SCOC: variants seen among roughly 807,000 people sequenced by gnomAD.
SCOC encodes the protein short coiled-coil protein.
SCOC carries 7 observed loss-of-function variants against 9.9 expected under a neutral mutation model. The ratio of observed to expected loss-of-function variants is 0.71; its 90% CI spans 0.40 to 1.33. The LOEUF (loss-of-function observed/expected upper bound fraction) is 1.33, where lower values mean the gene tolerates loss of function less well. Among genes scored for constraint, SCOC ranks in the 40% most tolerant of loss-of-function variants. The pLI, the probability that SCOC is intolerant of heterozygous loss-of-function variation, is 0.01. For missense variants in SCOC, 66 were observed against 89.7 expected, an observed-to-expected ratio of 0.74 and a Z score of 1.07; for synonymous variants, 19 against 28.2, an observed-to-expected ratio of 0.67 and a Z score of 1.03.
At chr4:140,288,575 AC>A (rs1278878339) in intron 1 of SCOC, among the ~76,000 whole-genome samples, 1 of 151,982 alleles carries the variant, frequency 6.6e-6, no homozygotes, top group East Asian at 1.9e-4. Flanking sequence ...CACATGTACC[AC>A]CCATACCACT....
chr4:140,310,489 G>A (rs1208134840), intron 1 of SCOC, among the ~76,000 whole-genome samples: 3 of 152,148 alleles, frequency 2.0e-5, no homozygotes, highest in Non-Finnish European at 4.4e-5. Context: ...AGGAACTTTC[G>A]CTCTATGTGC....
rs542818922 is a variant in SCOC, at chr4:140,384,667, A to T, written c.*3563A>T. The stretch of plus-strand genomic sequence containing the variant: ...GATGGTCTTAACATATACAGTCCTG[A>T]GTAAAGTCTTCTTTACTGCTTTAAC... On this transcript the variant is annotated 3_prime_UTR_variant, in exon 4 of 4. Coordinates refer to ENST00000608372, the MANE Select transcript of SCOC (RefSeq NM_001153484.2). 2 of 152,334 alleles carry T rather than the reference A, an allele frequency of 1.3e-5. No homozygotes were observed. The highest frequency in any genetic ancestry group is 4.1e-4 in the South Asian group (2 of 4,830). The allele number at this position is 152,334 out of a possible 1,614,324, so 9.4% of individuals were successfully genotyped here.
intron 1 of SCOC, among the ~76,000 whole-genome samples, chr4:140,265,292 A>C (rs1334279889): frequency 6.6e-6 from 1 of 152,188 alleles, no homozygotes; most frequent in Non-Finnish European, 1.5e-5. Flanking sequence ...AACCCAAAGA[A>C]AGGGTATTTC....
intron 1 of SCOC, among the ~76,000 whole-genome samples, chr4:140,375,921 T>G (rs1407166161): frequency 6.6e-6 from 1 of 152,166 alleles, no homozygotes; most frequent in African/African-American, 2.4e-5. Context: ...CCAAATTCAT[T>G]TCAGTGTTCC....
intron 1 of SCOC, among the ~76,000 whole-genome samples, chr4:140,377,026 A>AT (rs1297347359): frequency 6.6e-6 from 1 of 152,206 alleles, no homozygotes; most frequent in Non-Finnish European, 1.5e-5. Context: ...CTTTTAATTT[A>AT]TTATTTAGCA....
chr4:140,340,410 T>C (rs1198904109), upstream of SCOC, among the ~76,000 whole-genome samples: 1 of 151,816 alleles, frequency 6.6e-6, no homozygotes, highest in East Asian at 1.9e-4. Flanking sequence ...ATGTTGTATA[T>C]ATATGTAACA....
At chr4:140,285,801 A>G (rs1272053902) in intron 1 of SCOC, among the ~76,000 whole-genome samples, 1 of 152,182 alleles carries the variant, frequency 6.6e-6, no homozygotes, top group Non-Finnish European at 1.5e-5. Flanking sequence ...GGTTGGAAAC[A>G]GACCTGGTTT....
At chr4:140,374,523 C>T (rs1399771570) in intron 1 of SCOC, among the ~76,000 whole-genome samples, 1 of 152,158 alleles carries the variant, frequency 6.6e-6, no homozygotes, top group Admixed American at 6.5e-5. Flanking sequence ...TTTGGCCAAA[C>T]AGTTCCTTGA....
chr4:140,311,828 T>G (rs1732165007), intron 1 of SCOC, among the ~76,000 whole-genome samples: 1 of 152,214 alleles, frequency 6.6e-6, no homozygotes, highest in African/African-American at 2.4e-5. Context: ...TAAAGATCTT[T>G]GAACAATGCC....
chr4:140,297,385 G>A (rs1731677066), intron 1 of SCOC, among the ~76,000 whole-genome samples: 1 of 152,036 alleles, frequency 6.6e-6, no homozygotes, highest in Non-Finnish European at 1.5e-5. Context: ...GGAGAAGCAG[G>A]TAGTTTTTCA....
At chr4:140,375,985 T>G (rs1385883038) in intron 1 of SCOC, among the ~76,000 whole-genome samples, 1 of 152,178 alleles carries the variant, frequency 6.6e-6, no homozygotes, top group Non-Finnish European at 1.5e-5. Flanking sequence ...GATTTGCGTT[T>G]ATATATAGGA....
At chr4:140,344,209 T>C (rs1726619430) in intron 2 of SCOC, among the ~76,000 whole-genome samples, 1 of 152,166 alleles carries the variant, frequency 6.6e-6, no homozygotes, top group East Asian at 1.9e-4. Context: ...AAAATGCTGA[T>C]GGAAAGGATA....
At chr4:140,376,525 T>C (rs1728350986) in intron 1 of SCOC, 1 of 152,234 alleles carries the variant, frequency 6.6e-6, no homozygotes, top group South Asian at 2.1e-4. Context: ...AATTGTGCTC[T>C]CTCGCGTTGT....
At chr4:140,310,422 T>G (rs1301850367) in intron 1 of SCOC, among the ~76,000 whole-genome samples, 1 of 152,234 alleles carries the variant, frequency 6.6e-6, no homozygotes, top group Admixed American at 6.5e-5. Flanking sequence ...TGGTATATCC[T>G]TTTTTACAAG....
At chr4:140,375,367 A>G (rs1180321306) in intron 1 of SCOC, among the ~76,000 whole-genome samples, 1 of 152,226 alleles carries the variant, frequency 6.6e-6, no homozygotes, top group Non-Finnish European at 1.5e-5. Context: ...CAACAAACCC[A>G]TGAGATACGT....
At chr4:140,290,203 C>A (rs1008797048) in intron 1 of SCOC, among the ~76,000 whole-genome samples, 1 of 152,222 alleles carries the variant, frequency 6.6e-6, no homozygotes, top group Admixed American at 6.5e-5. Flanking sequence ...TAATAAAGTT[C>A]TTTGTCTCTG....
intron 1 of SCOC, among the ~76,000 whole-genome samples, chr4:140,257,798 C>G (rs1179026584): frequency 6.6e-6 from 1 of 152,214 alleles, no homozygotes; most frequent in African/African-American, 2.4e-5. Flanking sequence ...TTTCTATCCT[C>G]CCGTTTCCAT....
intron 1 of SCOC, among the ~76,000 whole-genome samples, chr4:140,294,606 C>T (rs933907177): frequency 5.9e-5 from 9 of 152,250 alleles, no homozygotes; most frequent in East Asian, 5.8e-4. Context: ...TTTAGTGACC[C>T]GTGCTCTGTT....
intron 1 of SCOC, among the ~76,000 whole-genome samples, chr4:140,285,804 C>T (rs1342199141): frequency 6.6e-6 from 1 of 152,126 alleles, no homozygotes; most frequent in Non-Finnish European, 1.5e-5. Flanking sequence ...TGGAAACAGA[C>T]CTGGTTTCCA....
Sources: gnomAD v4.1 joint callset for allele counts (sites outside exome capture counted in the v4.1 genomes callset) on GRCh38, gnomAD v4.1.1 for gene constraint, MANE v1.5 for transcripts, NCBI Gene and HGNC (gene_info 2026-07-23, HGNC 2026-07-21) for gene names.